The following MEGF6 variants were observed in gnomAD, a reference collection of about 807,000 sequenced individuals.
MEGF6 encodes the protein multiple EGF like domains 6.
In MEGF6, 184 loss-of-function variants were observed where a neutral mutation model predicts 207.1. The observed-to-expected ratio is 0.89, with a 90% CI of 0.79 to 1.00. MEGF6 has a LOEUF of 1.00. Ranked by LOEUF, MEGF6 falls within the 50% of genes least tolerant of loss-of-function variation. MEGF6 has a pLI of 0.00. For synonymous variants in MEGF6, 1,038 were observed against 910.0 expected (o/e 1.14, Z -2.53); for missense variants, 2,282 against 2,202.9 (o/e 1.04, Z -0.72).
chr1:3,546,005 A>G (rs1273000449), intron 4 of MEGF6, among the ~76,000 whole-genome samples: 1 of 152,166 alleles, frequency 6.6e-6, no homozygotes, highest in East Asian at 1.9e-4. Flanking sequence ...TGGCAAGGGA[A>G]GTTCTGGGAG....
intron 30 of MEGF6, among the ~76,000 whole-genome samples, chr1:3,495,210 G>A (rs74050554): frequency 0.017 from 2,623 of 152,302 alleles, 76 homozygotes; most frequent in African/African-American, 0.06. Flanking sequence ...TATCCTTCCT[G>A]GGAGTGAGGC....
chr1:3,579,762 C>T, intron 4 of MEGF6, 63 bp downstream of exon 4: 1 of 1,236,284 alleles, frequency 8.1e-7, no homozygotes, highest in Non-Finnish European at 1.1e-6. Context: ...GCCGACACAT[C>T]CTCGCCCCTT....
intron 30 of MEGF6, among the ~76,000 whole-genome samples, chr1:3,495,560 C>T (rs961377896): frequency 6.6e-6 from 1 of 152,246 alleles, no homozygotes; most frequent in Non-Finnish European, 1.5e-5. Flanking sequence ...CCAATCCCTT[C>T]TGCAAGGGGC....
intron 34 of MEGF6, 109 bp from the exon 35 acceptor site, chr1:3,492,876 T>G: frequency 6.8e-7 from 1 of 1,461,348 alleles, no homozygotes; most frequent in Non-Finnish European, 9.2e-7. Flanking sequence ...GAGTGAAGCC[T>G]TCTGCCTGGG....
chr1:3,504,889 T>C (rs1389282462), intron 17 of MEGF6, among the ~76,000 whole-genome samples: 1 of 152,124 alleles, frequency 6.6e-6, no homozygotes, highest in African/African-American at 2.4e-5. Flanking sequence ...CCCAGTCTGT[T>C]CTGGTCAAGC....
At chr1:3,606,020 T>C (rs1644245601) in intron 1 of MEGF6, among the ~76,000 whole-genome samples, 1 of 152,168 alleles carries the variant, frequency 6.6e-6, no homozygotes, top group Admixed American at 6.5e-5. Context: ...AGATACTCTG[T>C]CCCCCTGAAA....
chr1:3,495,779 C>A (rs923258111), intron 30 of MEGF6, 111 bp downstream of exon 30: 84 of 1,368,448 alleles, frequency 6.1e-5, no homozygotes, highest in Non-Finnish European at 7.9e-5. Context: ...CTGGTGGCAG[C>A]CAGGATGTGC....
At position 3,497,480 on chromosome 1, in the gene MEGF6, G is replaced by T. The variant is rs553872555; in HGVS notation, c.3353-119C>A. On this transcript the variant is annotated intron_variant, in intron 26 of 36. Transcript: ENST00000356575. Reference sequence around the variant, plus strand: ...CCACCCAATGCTGGCTGAACTGGGGGCTGTGCTCACCATTCTCACACCTGG... The same window carrying T: ...CCACCCAATGCTGGCTGAACTGGGGTCTGTGCTCACCATTCTCACACCTGG... 5 of 1,279,506 alleles carry T rather than the reference G, an allele frequency of 3.9e-6. No homozygotes were observed. In the African/African-American group the frequency reaches 6.1e-5, roughly 16 times the overall value. The allele number at this position is 1,279,506 out of a possible 1,614,324, so 79.3% of individuals were successfully genotyped here.
At position 3,556,399 on chromosome 1, in the gene MEGF6, C is replaced by T. The variant is rs78511956; in HGVS notation, c.481+23426G>A. 0.03 allele frequency among the ~76,000 whole-genome samples: 4,519 copies of T among 152,318 alleles called. 196 individuals are homozygous for T. The highest frequency in any genetic ancestry group is 0.091 in the African/African-American group (3,790 of 41,542). ...TGGTAAGTGGCGCATCCAAAACCGC[C>T]GGCTGGCTGAACCAAATTGGCCCGG... is the stretch of plus-strand genomic sequence containing the variant. On this transcript the variant is annotated intron_variant, in intron 4 of 36. Coordinates refer to ENST00000356575, the MANE Select transcript of MEGF6 (RefSeq NM_001409.4). This position sits in a 1 kb window ranked among gnomAD's most constrained non-coding sequence, Gnocchi z 4.4.
At chr1:3,541,583 C>T (rs1301629325) in intron 4 of MEGF6, among the ~76,000 whole-genome samples, 1 of 152,202 alleles carries the variant, frequency 6.6e-6, no homozygotes, top group Non-Finnish European at 1.5e-5. Flanking sequence ...CGTGCCTGGG[C>T]TCCGCGGGAG....
intron 4 of MEGF6, among the ~76,000 whole-genome samples, chr1:3,552,806 C>A (rs545738115): frequency 6.6e-6 from 1 of 152,174 alleles, no homozygotes; most frequent in African/African-American, 2.4e-5. Context: ...GGGCCCAGAC[C>A]CCCCACTTTT....
chr1:3,509,310 C>T (rs1437346855), intron 11 of MEGF6, 65 bp from the exon 12 acceptor site: 11 of 1,365,746 alleles, frequency 8.1e-6, no homozygotes, highest in South Asian at 1.6e-5. Flanking sequence ...GACCCCCCGG[C>T]GGGTAGGGCT....
At chr1:3,569,731 T>C (rs1225168607) in intron 4 of MEGF6, among the ~76,000 whole-genome samples, 2 of 152,190 alleles carry the variant, frequency 1.3e-5, no homozygotes, top group Non-Finnish European at 2.9e-5. Flanking sequence ...GTCCATGCTA[T>C]GGGCAGGAAG....
At position 3,509,190 on chromosome 1, in the gene MEGF6, C is replaced by T; in HGVS notation, c.1413G>A (p.Leu471=). The part of the protein sequence containing the change: ...LDGELPFVRP[L]PHIAVLQDEL... ...CGTCCTGGAGCACGGCAATGTGGGG[C>T]AGGGGCCGCACGAAAGGCAGCTCGC... The change falls in exon 12 of 37, where the codon CTG becomes CTA. Residue 471 remains leucine, a synonymous_variant. Transcript: ENST00000356575. 6.4e-7 allele frequency: 1 copy of T among 1,574,060 alleles called. No individual in the cohort carries two copies.
intron 5 of MEGF6, among the ~76,000 whole-genome samples, 187 bp from the exon 6 acceptor site, chr1:3,515,714 C>G (rs12045137): frequency 0.25 from 37,516 of 152,224 alleles, 5,345 homozygotes; most frequent in East Asian, 0.43. Flanking sequence ...GGCTCACAGG[C>G]CTGGTTTTGC....
At chr1:3,530,289 G>A (rs776202005) in intron 4 of MEGF6, among the ~76,000 whole-genome samples, 2 of 152,180 alleles carry the variant, frequency 1.3e-5, no homozygotes, top group South Asian at 2.1e-4. Context: ...GCAGAAGCTC[G>A]GCCTGGCACT....
chr1:3,496,874 C>A, intron 28 of MEGF6, 91 bp from the exon 29 acceptor site: 1 of 1,519,260 alleles, frequency 6.6e-7, no homozygotes. Flanking sequence ...GAGACCCCCA[C>A]ACCCTCCATC....
intron 4 of MEGF6, among the ~76,000 whole-genome samples, chr1:3,550,563 G>A (rs886629881): frequency 3.3e-5 from 5 of 152,208 alleles, no homozygotes; most frequent in African/African-American, 7.2e-5. Flanking sequence ...AGAGAAAAAC[G>A]TCATCCCAAG....
chr1:3,562,911 G>T (rs1643242440), intron 4 of MEGF6, among the ~76,000 whole-genome samples: 1 of 152,066 alleles, frequency 6.6e-6, no homozygotes, highest in South Asian at 2.1e-4. Context: ...CAGCCCCTCT[G>T]TACACCCACC....
Sources: gnomAD v4.1 joint callset for allele counts (sites outside exome capture counted in the v4.1 genomes callset) on GRCh38, gnomAD v4.1.1 for gene constraint, Gnocchi (gnomAD v3.1) non-coding constraint, MANE v1.5 for transcripts, NCBI Gene and HGNC (gene_info 2026-07-23, HGNC 2026-07-21) for gene names.